RIOK2: variants seen among roughly 807,000 people sequenced by gnomAD.
RIOK2 encodes the protein serine/threonine-protein kinase RIO2.
In RIOK2, 46 loss-of-function variants were observed where a neutral mutation model predicts 62.4. That is an observed-to-expected ratio of 0.74 (90% confidence interval 0.58 to 0.94). RIOK2 has a LOEUF of 0.94. Among genes scored for constraint, RIOK2 ranks in the 40% least tolerant of loss-of-function variants. RIOK2 has a pLI of 0.00. For missense variants in RIOK2, 574 were observed against 658.0 expected (o/e 0.87, Z 1.40); for synonymous variants, 197 against 216.0 (o/e 0.91, Z 0.77).
chr5:97,171,496 T>G, intron 5 of RIOK2, 99 bp from the exon 6 acceptor site: 2 of 737,216 alleles, frequency 2.7e-6, no homozygotes, highest in Non-Finnish European at 3.9e-6. Context: ...TTCCATGCTG[T>G]GTATCCCCAG....
At chr5:97,177,628 C>T in intron 3 of RIOK2, 104 bp downstream of exon 3, 1 of 732,398 alleles carries the variant, frequency 1.4e-6, no homozygotes, top group Non-Finnish European at 2.3e-6. Context: ...TTCCAACTTA[C>T]TGTTTAGTTA....
chr5:97,173,475 C>CAA (rs1251991163), intron 4 of RIOK2, among the ~76,000 whole-genome samples: 2 of 152,210 alleles, frequency 1.3e-5, no homozygotes, highest in East Asian at 3.9e-4. Context: ...AGTTTGAATT[C>CAA]ACTTTTCCAC....
Position 97,162,414 on chromosome 5 carries a change from C to T in RIOK2, c.*647G>A, listed in dbSNP as rs1692628478. 1 of 152,392 alleles carries T rather than the reference C, an allele frequency of 6.6e-6. No individual in the cohort carries two copies. Among genetic ancestry groups the T allele is most frequent in the African/African-American group, 2.4e-5 (1 of 41,448 alleles). The allele number at this position is 152,392 out of a possible 1,614,324, so 9.4% of individuals were successfully genotyped here. On this transcript the variant is annotated 3_prime_UTR_variant, in exon 10 of 10. Coordinates refer to ENST00000283109, the MANE Select transcript of RIOK2 (RefSeq NM_018343.3). The stretch of plus-strand genomic sequence containing the variant: ...CATTCTACTCCACCTTCCCCAACCC[C>T]TAACTCTTCTGCTACTCAGGCCTGC...
In RIOK2 at chr5:97,170,810, T is replaced by C. The variant is rs571547111; in HGVS notation, c.779+396A>G. 1.2e-4 allele frequency among the ~76,000 whole-genome samples: 18 copies of C among 152,238 alleles called. 1 individual carries two copies. In the East Asian group the frequency reaches 3.5e-3, roughly 29 times the overall value. On this transcript the variant is annotated intron_variant, in intron 6 of 9. Transcript: ENST00000283109. ...ATAGTATCACAAAATTGAAAAATTATGAAAAAATGATTATATTCTAAACAA... is the reference window on the plus strand; with the variant it reads ...ATAGTATCACAAAATTGAAAAATTACGAAAAAATGATTATATTCTAAACAA...
At chr5:97,173,033 ATTTGTC>A in intron 5 of RIOK2, 136 bp downstream of exon 5, 1 of 566,064 alleles carries the variant, frequency 1.8e-6, no homozygotes, top group South Asian at 2.6e-5. Context: ...TGGGTTTTTA[ATTTGTC>A]TTTGAGTCTA....
Position 97,167,501 on chromosome 5 carries a change from A to C in RIOK2, c.1363T>G (p.Leu455Val), listed in dbSNP as rs759421320. Residue 455 changes from leucine to valine, a missense_variant, in exon 8 of 10, where the codon TTG becomes GTG. By Grantham distance (32) the Leu-to-Val change is conservative. Coordinates refer to ENST00000283109, the MANE Select transcript of RIOK2 (RefSeq NM_018343.3). ...YEDECPHLIA[L>V]SSLNREFRPF... The stretch of plus-strand genomic sequence containing the variant: ...CTGAATTCTCTATTTAATGACGACA[A>C]GGCAATTAGATGAGGGCATTCATCT... The C allele has an allele frequency of 1.2e-5, 20 of 1,614,060 alleles. No individual in the cohort carries two copies. Among genetic ancestry groups the C allele is most frequent in the Non-Finnish European group, 1.6e-5 (19 of 1,180,028 alleles).
chr5:97,175,938 T>C (rs963355395), intron 4 of RIOK2: 1 of 152,326 alleles, frequency 6.6e-6, no homozygotes, highest in Non-Finnish European at 1.5e-5. Context: ...AAAGGATTTT[T>C]TTTTTTAATG....
At chr5:97,164,956 AC>A in intron 9 of RIOK2, 94 bp downstream of exon 9, 1 of 658,904 alleles carries the variant, frequency 1.5e-6, no homozygotes, top group Non-Finnish European at 2.5e-6. Context: ...AGAAGTCTGT[AC>A]CTGAAAGGCA....
At chr5:97,166,863 A>T in intron 8 of RIOK2, 1 of 982,714 alleles carries the variant, frequency 1.0e-6, no homozygotes, top group Non-Finnish European at 1.2e-6. Flanking sequence ...TCCATCTAAA[A>T]CCTGATCAAT....
rs1354983933 is a variant in RIOK2, at chr5:97,160,907, G to A, written c.*2154C>T. On this transcript the variant is annotated 3_prime_UTR_variant, in exon 10 of 10. Transcript: ENST00000283109. ...GTTTATTTAATGGGGAGACTAAGACGATGCAAGATGGTTACTAGAAAAACA... is the reference window on the plus strand; with the variant it reads ...GTTTATTTAATGGGGAGACTAAGACAATGCAAGATGGTTACTAGAAAAACA... 1 of 152,186 alleles carries A rather than the reference G, an allele frequency of 6.6e-6. No homozygotes were observed. The highest frequency in any genetic ancestry group is 1.5e-5 in the Non-Finnish European group (1 of 68,024). 9.4% of individuals were successfully genotyped at this position (152,186 alleles called of 1,614,324 possible).
chr5:97,167,427 T>C (rs991804379), intron 8 of RIOK2, 40 bp downstream of exon 8: 2 of 1,588,168 alleles, frequency 1.3e-6, no homozygotes, highest in African/African-American at 2.7e-5. Context: ...AGTATCAGTC[T>C]CAAGACTAAA....
In RIOK2 at chr5:97,167,630, AG is replaced by A. The variant is rs758225472; in HGVS notation, c.1233del (p.Ser412LeufsTer2). ...TTCTCCTCAGAAAATTCAGTTACAG[AG>A]TTGTTTTCAACAACCTGCCCTTTTA... Reference protein sequence around the residue: ...EEIKGQVVENNSVTEFSEEKN... With the variant: ...EEIKGQVVENXSVTEFSEEKN... On this transcript the variant is annotated frameshift_variant, in exon 8 of 10. Coordinates refer to ENST00000283109, the MANE Select transcript of RIOK2 (RefSeq NM_018343.3). LOFTEE classifies it high-confidence loss of function. The A allele has an allele frequency of 5.6e-6, 9 of 1,614,220 alleles. No individual in the cohort carries two copies. Among genetic ancestry groups the A allele is most frequent in the Non-Finnish European group, 6.8e-6 (8 of 1,180,016 alleles).
Position 97,162,781 on chromosome 5 carries a change from CAG to C in RIOK2, c.*278_*279del. ...ATTGTAGCATATCATCCTCAACAAA[CAG>C]AAAACAACAAAAATGTTATTTAGAT... On this transcript the variant is annotated 3_prime_UTR_variant, in exon 10 of 10. Transcript: ENST00000283109. 3.2e-6 allele frequency: 1 copy of C among 314,376 alleles called. No homozygotes were observed. Among genetic ancestry groups the C allele is most frequent in the Admixed American group, 4.8e-5 (1 of 20,710 alleles). The allele number at this position is 314,376 out of a possible 1,614,324, so 19.5% of individuals were successfully genotyped here. A position where few individuals can be genotyped will look rare whatever the true frequency, so the allele number is the denominator to read the frequency against.
At chr5:97,171,425 G>C (rs371366084) in intron 5 of RIOK2, 28 bp from the exon 6 acceptor site, 16 of 1,433,590 alleles carry the variant, frequency 1.1e-5, no homozygotes, top group Non-Finnish European at 1.3e-5. Flanking sequence ...ATGAAAATAG[G>C]TTACTTGTGT....
Position 97,182,616 on chromosome 5 carries a change from G to A in RIOK2, c.66+510C>T, listed in dbSNP as rs576734791. On this transcript the variant is annotated intron_variant, in intron 1 of 9. Transcript: ENST00000283109. ...GCATTTATCCATTATCCTATTTTTC[G>A]TTTACTTGATGATCTGTGTCTCTCT... Among the ~76,000 whole-genome samples, 6 of 151,836 alleles carry A rather than the reference G, an allele frequency of 4.0e-5. No individual in the cohort carries two copies. In the South Asian group the frequency reaches 1.0e-3, roughly 26 times the overall value.
At chr5:97,178,569 G>T (rs575582238) in intron 2 of RIOK2, among the ~76,000 whole-genome samples, 1 of 143,120 alleles carries the variant, frequency 7.0e-6, no homozygotes, top group South Asian at 2.2e-4. Flanking sequence ...CAGTACCTAC[G>T]TGCTCTTCTG....
intron 1 of RIOK2, among the ~76,000 whole-genome samples, chr5:97,180,158 A>ATATATATG (rs1749364138): frequency 8.0e-6 from 1 of 125,288 alleles, no homozygotes; most frequent in Non-Finnish European, 1.7e-5. Context: ...ATATATATAT[A>ATATATATG]TATGTGCTTT....
At position 97,183,208 on chromosome 5, in the gene RIOK2, A is replaced by G; in HGVS notation, c.-17T>C. On this transcript the variant is annotated 5_prime_UTR_variant, in exon 1 of 10. Coordinates refer to ENST00000283109, the MANE Select transcript of RIOK2 (RefSeq NM_018343.3). ...TTTCCCCATGGCGGCCCCAGTCCGA[A>G]CCCAGATGCCTCTCCGACGACAGCC... is the stretch of plus-strand genomic sequence containing the variant. The G allele has an allele frequency of 2.5e-6, 4 of 1,614,066 alleles. No homozygotes were observed. The highest frequency in any genetic ancestry group is 3.4e-6 in the Non-Finnish European group (4 of 1,179,924).
chr5:97,179,063 C>A lies in RIOK2; in HGVS notation c.197G>T (p.Arg66Leu). 6.2e-7 allele frequency: 1 copy of A among 1,613,808 alleles called. No homozygotes were observed. Among genetic ancestry groups the A allele is most frequent in the Non-Finnish European group, 8.5e-7 (1 of 1,179,886 alleles). Residue 66 changes from arginine to leucine, a missense_variant, in exon 2 of 10, where the codon CGT becomes CTT. Physicochemically the swap from Arg to Leu is moderately radical, Grantham distance 102 (BLOSUM62 -2). Coordinates refer to ENST00000283109, the MANE Select transcript of RIOK2 (RefSeq NM_018343.3). ...LVKHKLIAWE[R>L]TKTVQGYRLT... ...TGCCTCAAAATACTTACTTTTGGTA[C>A]GCTCCCAAGCTATGAGTTTATGTTT...
Sources: gnomAD v4.1 joint callset for allele counts (sites outside exome capture counted in the v4.1 genomes callset) on GRCh38, gnomAD v4.1.1 for gene constraint, MANE v1.5 for transcripts, NCBI Gene and HGNC (gene_info 2026-07-23, HGNC 2026-07-21) for gene names.